The following GKAP1 variants were observed in gnomAD, a reference collection of about 807,000 sequenced individuals.
GKAP1 encodes the protein G kinase anchoring protein 1, also known as G kinase-anchoring protein 1.
GKAP1 carries 31 observed loss-of-function variants against 56.7 expected under a neutral mutation model. The ratio of observed to expected loss-of-function variants is 0.55; its 90% CI spans 0.41 to 0.74. The LOEUF (loss-of-function observed/expected upper bound fraction) is 0.74. GKAP1 is among the 30% of genes least tolerant of loss of function. The pLI is 0.00. For synonymous variants in GKAP1, 151 were observed against 138.6 expected (o/e 1.09, Z -0.63); for missense variants, 364 against 402.3 (o/e 0.90, Z 0.82).
chr9:83,778,924 T>C (rs1055248257), intron 7 of GKAP1, among the ~76,000 whole-genome samples: 1 of 152,008 alleles, frequency 6.6e-6, no homozygotes. Context: ...ATACAGAAGC[T>C]TGTTTAAATA....
At chr9:83,755,453 CT>C (rs1242235445) in intron 8 of GKAP1, among the ~76,000 whole-genome samples, 1 of 152,036 alleles carries the variant, frequency 6.6e-6, no homozygotes, top group Non-Finnish European at 1.5e-5. Flanking sequence ...TTACAATTTC[CT>C]TTTATCAAAA....
At chr9:83,765,545 A>C (rs1323404643) in intron 8 of GKAP1, among the ~76,000 whole-genome samples, 1 of 152,220 alleles carries the variant, frequency 6.6e-6, no homozygotes, top group African/African-American at 2.4e-5. Context: ...ACTCAATGCC[A>C]GCCGTGAAAG....
chr9:83,746,406 C>A (rs192569241), intron 10 of GKAP1, among the ~76,000 whole-genome samples: 23 of 152,170 alleles, frequency 1.5e-4, no homozygotes, highest in Non-Finnish European at 2.9e-4. Context: ...TGCTTTAAAT[C>A]ATCTCTAGAT....
intron 8 of GKAP1, among the ~76,000 whole-genome samples, chr9:83,754,695 T>C (rs773517980): frequency 3.9e-5 from 6 of 152,198 alleles, no homozygotes; most frequent in Non-Finnish European, 5.9e-5. Flanking sequence ...CAAGATGACT[T>C]TGGAAAAGCC....
intron 12 of GKAP1, among the ~76,000 whole-genome samples, chr9:83,741,360 T>TCACACACA (rs35325635): frequency 8.4e-4 from 41 of 48,654 alleles, no homozygotes; most frequent in East Asian, 5.2e-3. Flanking sequence ...AATATATCTC[T>TCACACACA]CACACACACA....
intron 3 of GKAP1, among the ~76,000 whole-genome samples, chr9:83,801,065 C>T (rs898788032): frequency 6.6e-5 from 10 of 152,182 alleles, no homozygotes; most frequent in African/African-American, 2.4e-4. Flanking sequence ...GAAATTGGGT[C>T]TTTACAGATG....
rs139662090 is a variant in GKAP1, at chr9:83,741,642, C to T, written c.1053+310G>A. Among the ~76,000 whole-genome samples the T allele has an allele frequency of 3.0e-3, 452 of 152,136 alleles. 1 individual carries two copies. Among genetic ancestry groups the T allele is most frequent in the South Asian group, 8.1e-3 (39 of 4,818 alleles). ...AGATATCTAGGAGATATCACTGTAT[C>T]CAAGTGATCAACCTTATAAACAGGA... On this transcript the variant is annotated intron_variant, in intron 12 of 12. Transcript: ENST00000376371.
chr9:83,772,891 C>A (rs921463424), intron 7 of GKAP1, among the ~76,000 whole-genome samples: 1 of 152,130 alleles, frequency 6.6e-6, no homozygotes, highest in Non-Finnish European at 1.5e-5. Flanking sequence ...ACATTACATA[C>A]CCACTAGAAT....
intron 10 of GKAP1, among the ~76,000 whole-genome samples, chr9:83,746,696 AAAATAAAT>A (rs529937845): frequency 7.0e-6 from 1 of 143,308 alleles, no homozygotes; most frequent in Non-Finnish European, 1.5e-5. Context: ...TCCTTCTCAA[AAAATAAAT>A]AAATAAATAA....
At chr9:83,778,251 T>C (rs752591244) in intron 7 of GKAP1, among the ~76,000 whole-genome samples, 2 of 152,180 alleles carry the variant, frequency 1.3e-5, no homozygotes, top group Non-Finnish European at 2.9e-5. Flanking sequence ...TGCACACATA[T>C]GTTCACTGAA....
chr9:83,763,115 A>G (rs1370439018), intron 8 of GKAP1, among the ~76,000 whole-genome samples: 1 of 152,218 alleles, frequency 6.6e-6, no homozygotes, highest in Non-Finnish European at 1.5e-5. Flanking sequence ...CCATAAAAAA[A>G]GATCTTGTTA....
intron 8 of GKAP1, among the ~76,000 whole-genome samples, chr9:83,767,871 G>C: frequency 6.6e-6 from 1 of 152,074 alleles, no homozygotes; most frequent in East Asian, 1.9e-4. Flanking sequence ...ATTTTTAGTA[G>C]AGATGAGGTT....
intron 9 of GKAP1, among the ~76,000 whole-genome samples, chr9:83,752,853 T>C (rs2131241466): frequency 6.6e-6 from 1 of 152,026 alleles, no homozygotes; most frequent in East Asian, 1.9e-4. Context: ...GGCGGATCTC[T>C]TGAGGCCAGG....
intron 4 of GKAP1, chr9:83,793,050 C>T: frequency 6.9e-6 from 8 of 1,159,766 alleles, no homozygotes; most frequent in Non-Finnish European, 9.1e-6. Context: ...TCTATTTAAG[C>T]AAACCTATAG....
At chr9:83,774,980 T>C (rs1020491040) in intron 7 of GKAP1, among the ~76,000 whole-genome samples, 1 of 150,556 alleles carries the variant, frequency 6.6e-6, no homozygotes, top group Non-Finnish European at 1.5e-5. Flanking sequence ...GTGCTGGGAT[T>C]ACAGGGGTGA....
At chr9:83,808,461 G>A (rs1448856300) in intron 2 of GKAP1, among the ~76,000 whole-genome samples, 2 of 152,078 alleles carry the variant, frequency 1.3e-5, no homozygotes, top group Non-Finnish European at 2.9e-5. Flanking sequence ...GCCGGGCATA[G>A]TGATGCATGC....
chr9:83,779,850 T>C (rs1943941299), intron 7 of GKAP1, among the ~76,000 whole-genome samples: 2 of 151,858 alleles, frequency 1.3e-5, no homozygotes, highest in Non-Finnish European at 2.9e-5. Context: ...GGCTATACTA[T>C]AGTATTTAAA....
At position 83,779,559 on chromosome 9, in the gene GKAP1, G is replaced by GTA. The variant is rs1164947274; in HGVS notation, c.585+821_585+822dup. Among the ~76,000 whole-genome samples the GTA allele has an allele frequency of 2.0e-4, 22 of 108,444 alleles. No homozygotes were observed. In the East Asian group the frequency reaches 3.2e-3, roughly 16 times the overall value. The allele number at this position is 108,444 out of a possible 152,430, so 71.1% of individuals were successfully genotyped here. A position where few individuals can be genotyped will look rare whatever the true frequency, so the allele number is the denominator to read the frequency against. The stretch of plus-strand genomic sequence containing the variant: ...TGTATATATATACACGTGTATATGT[G>GTA]TATATATATACACACATATATATAC... On this transcript the variant is annotated intron_variant, in intron 7 of 12. Coordinates refer to ENST00000376371, the MANE Select transcript of GKAP1 (RefSeq NM_025211.4).
chr9:83,747,593 G>A (rs1233475398), intron 10 of GKAP1, among the ~76,000 whole-genome samples: 1 of 151,758 alleles, frequency 6.6e-6, no homozygotes, highest in African/African-American at 2.4e-5. Context: ...AAACTAAGGT[G>A]CTGTAAGAGT....
Sources: allele counts gnomAD v4.1 joint callset (sites outside exome capture counted in the v4.1 genomes callset), GRCh38; gene constraint gnomAD v4.1.1; transcripts MANE v1.5; gene names NCBI Gene and HGNC (gene_info 2026-07-23, HGNC 2026-07-21).